The following ELMO1 variants were observed in gnomAD, a reference collection of about 807,000 sequenced individuals.
ELMO1 encodes engulfment and cell motility 1.
A neutral mutation model predicts 98.9 loss-of-function variants in ELMO1; 26 were observed. The ratio of observed to expected loss-of-function variants is 0.26; its 90% confidence interval spans 0.19 to 0.36. ELMO1 has a LOEUF of 0.36. Ranked by LOEUF, ELMO1 falls within the 10% of genes least tolerant of loss-of-function variation. The probability of loss-of-function intolerance (pLI) is 1.00; values close to 1 mark genes in which losing one functional copy is unlikely to be tolerated. For missense variants in ELMO1, 627 were observed against 935.2 expected (o/e 0.67, Z 4.30); for synonymous variants, 346 against 346.0 (o/e 1.00, Z 0.00).
intron 18 of ELMO1, among the ~76,000 whole-genome samples, chr7:36,886,808 C>T (rs1805047062): frequency 6.6e-6 from 1 of 152,172 alleles, no homozygotes; most frequent in South Asian, 2.1e-4. Context: ...TTGAATTTGA[C>T]ATTTTGAGGT....
chr7:37,321,354 TGATATGAA>T (rs1481967069), intron 2 of ELMO1, among the ~76,000 whole-genome samples: 4 of 151,890 alleles, frequency 2.6e-5, no homozygotes, highest in Admixed American at 2.0e-4. Context: ...GAGAGTAGAG[TGATATGAA>T]TAATATATTA....
intron 13 of ELMO1, among the ~76,000 whole-genome samples, chr7:37,190,295 T>A (rs916087670): frequency 2.6e-5 from 4 of 152,210 alleles, no homozygotes; most frequent in Admixed American, 6.5e-5. Context: ...GTATTAATAG[T>A]AATAATTATT....
At chr7:37,223,012 G>A (rs1337770966) in intron 9 of ELMO1, among the ~76,000 whole-genome samples, 1 of 152,162 alleles carries the variant, frequency 6.6e-6, no homozygotes, top group Non-Finnish European at 1.5e-5. Flanking sequence ...AGTAATAGAT[G>A]TATGTATGTC....
At chr7:36,893,332 T>A (rs574826853) in intron 17 of ELMO1, among the ~76,000 whole-genome samples, 1 of 152,182 alleles carries the variant, frequency 6.6e-6, no homozygotes, top group African/African-American at 2.4e-5. Flanking sequence ...CCAAAGTGCA[T>A]CCTGCTTGGT....
chr7:37,278,170 C>T (rs1796953064), intron 4 of ELMO1, among the ~76,000 whole-genome samples: 1 of 56 alleles, frequency 0.018, no homozygotes, highest in African/African-American at 0.071. Flanking sequence ...ACTGGGTGGC[C>T]CTTTTTGATG....
chr7:37,225,109 A>G (rs369506972), intron 8 of ELMO1, 79 bp from the exon 9 acceptor site: 2 of 1,552,206 alleles, frequency 1.3e-6, no homozygotes, highest in South Asian at 1.2e-5. Context: ...AATGAATCAA[A>G]TCGGGAACTC....
chr7:37,421,542 G>A (rs75129780), intron 1 of ELMO1, among the ~76,000 whole-genome samples: 3,125 of 152,262 alleles, frequency 0.021, 123 homozygotes, highest in African/African-American at 0.069. Flanking sequence ...TGTGAGGATA[G>A]TCCTCATGAT....
chr7:36,989,078 A>G (rs1049821319), intron 16 of ELMO1, among the ~76,000 whole-genome samples: 14 of 152,252 alleles, frequency 9.2e-5, no homozygotes, highest in African/African-American at 3.1e-4. Context: ...TAATCCAGCA[A>G]TTAAGAATTA....
At chr7:37,341,246 G>T (rs149326338) in intron 2 of ELMO1, among the ~76,000 whole-genome samples, 2 of 152,206 alleles carry the variant, frequency 1.3e-5, no homozygotes, top group East Asian at 3.8e-4. Context: ...CTCTCTACAC[G>T]TGTGTGAGAC....
chr7:37,345,063 G>A (rs112765575), intron 1 of ELMO1, among the ~76,000 whole-genome samples: 14 of 152,286 alleles, frequency 9.2e-5, no homozygotes, highest in African/African-American at 3.4e-4. Context: ...TAACTTCAGC[G>A]CAGCTGACAA....
At chr7:36,893,408 GGCTAGCTGGT>G (rs917703576) in intron 17 of ELMO1, among the ~76,000 whole-genome samples, 32 of 152,162 alleles carry the variant, frequency 2.1e-4, no homozygotes, top group African/African-American at 7.5e-4. Flanking sequence ...CTCTTGTCAA[GGCTAGCTGGT>G]GCTCATGCAG....
intron 4 of ELMO1, among the ~76,000 whole-genome samples, chr7:37,304,000 C>T (rs1278702526): frequency 1.3e-5 from 2 of 152,130 alleles, no homozygotes; most frequent in African/African-American, 4.8e-5. Flanking sequence ...CCTGCTCTTC[C>T]GAGCTCCCTC....
intron 15 of ELMO1, among the ~76,000 whole-genome samples, chr7:37,050,072 G>A (rs1204523629): frequency 1.3e-5 from 2 of 151,852 alleles, no homozygotes; most frequent in African/African-American, 4.8e-5. Context: ...GAGCCTCCGC[G>A]CCCAGCCTTT....
At chr7:37,013,176 A>T in intron 16 of ELMO1, 123 bp downstream of exon 16, 1 of 1,249,670 alleles carries the variant, frequency 8.0e-7, no homozygotes, top group Non-Finnish European at 1.1e-6. Flanking sequence ...TGAAGCAACT[A>T]TCATTGCAAT....
intron 1 of ELMO1, among the ~76,000 whole-genome samples, chr7:37,385,514 G>T (rs992047954): frequency 1.2e-4 from 18 of 152,148 alleles, no homozygotes; most frequent in African/African-American, 3.9e-4. Context: ...TATCTAAAAT[G>T]GTGCTCTCTG....
chr7:36,983,881 G>C (rs548863380), intron 16 of ELMO1, among the ~76,000 whole-genome samples: 2 of 152,254 alleles, frequency 1.3e-5, no homozygotes, highest in Admixed American at 6.5e-5. Flanking sequence ...GTTTTTAGGT[G>C]GGGGGAGCAG....
intron 14 of ELMO1, among the ~76,000 whole-genome samples, chr7:37,109,179 G>C (rs1330486054): frequency 6.6e-6 from 1 of 152,096 alleles, no homozygotes; most frequent in African/African-American, 2.4e-5. Flanking sequence ...TGTGCCCCCA[G>C]GGACAATGCG....
At position 36,854,228 on chromosome 7, in the gene ELMO1, T is replaced by A. The variant is rs1160543028; in HGVS notation, c.*1323A>T. On this transcript the variant is annotated 3_prime_UTR_variant, in exon 22 of 22. Transcript: ENST00000310758. ...CACAGCAGTGTTTTTCAAACCAATG[T>A]ACATAAACATCACCCAATTCAGCAG... 1.3e-5 allele frequency: 2 copies of A among 152,138 alleles called. No homozygotes were observed. Among genetic ancestry groups the A allele is most frequent in the Non-Finnish European group, 2.9e-5 (2 of 68,020 alleles). 9.4% of individuals were successfully genotyped at this position (152,138 alleles called of 1,614,324 possible). A position where few individuals can be genotyped will look rare whatever the true frequency, so the allele number is the denominator to read the frequency against.
intron 15 of ELMO1, among the ~76,000 whole-genome samples, chr7:37,091,780 T>C (rs1784106965): frequency 6.6e-6 from 1 of 152,020 alleles, no homozygotes; most frequent in Non-Finnish European, 1.5e-5. Flanking sequence ...GGCCTCACAA[T>C]CATGGTGGAA....
Sources: gnomAD v4.1 joint callset for allele counts (sites outside exome capture counted in the v4.1 genomes callset) on GRCh38, gnomAD v4.1.1 for gene constraint, MANE v1.5 for transcripts, NCBI Gene and HGNC (gene_info 2026-07-23, HGNC 2026-07-21) for gene names.